The following RACK1 variants were observed in gnomAD, a reference collection of about 807,000 sequenced individuals.
RACK1 encodes the protein small ribosomal subunit protein RACK1.
In RACK1, 3 loss-of-function variants were observed where a neutral mutation model predicts 42.2. The observed-to-expected ratio is 0.07, with a 90% CI of 0.03 to 0.18. RACK1 has a LOEUF of 0.18. RACK1 is among the 10% of genes least tolerant of loss of function. The pLI, the probability that RACK1 is intolerant of heterozygous loss-of-function variation, is 1.00. For missense variants in RACK1, 146 were observed against 403.2 expected, an observed-to-expected ratio of 0.36 and a Z score of 5.46; for synonymous variants, 181 against 154.8, an observed-to-expected ratio of 1.17 and a Z score of -1.25.
intron 3 of RACK1, among the ~76,000 whole-genome samples, chr5:181,239,906 G>A (rs1211008455): frequency 6.6e-6 from 1 of 151,934 alleles, no homozygotes; most frequent in Non-Finnish European, 1.5e-5. Flanking sequence ...TTAACCAGGT[G>A]TGGCGGCGGG....
At chr5:181,237,260 T>G (rs1210922687) in intron 7 of RACK1, 3 of 884,260 alleles carry the variant, frequency 3.4e-6, no homozygotes, top group East Asian at 5.3e-5. Flanking sequence ...CAACGCCGGG[T>G]AGACTGTAAG....
At chr5:181,238,670 C>T (rs1389910380) in intron 5 of RACK1, 16 of 358,168 alleles carry the variant, frequency 4.5e-5, no homozygotes, top group African/African-American at 1.7e-4. Context: ...GGAGTGATGG[C>T]GGGTGCCTGT....
At chr5:181,237,262 G>C (rs1759173588) in intron 7 of RACK1, 2 of 870,606 alleles carry the variant, frequency 2.3e-6, no homozygotes, top group Admixed American at 4.0e-5. Context: ...ACGCCGGGTA[G>C]ACTGTAAGAA....
chr5:181,238,749 A>T, intron 5 of RACK1: 1 of 378,408 alleles, frequency 2.6e-6, no homozygotes, highest in Non-Finnish European at 5.1e-6. Flanking sequence ...CAGTGAGCCG[A>T]GATCGCGCCA....
At chr5:181,242,536 C>T (rs1011224244) in intron 1 of RACK1, 191 bp from the exon 2 acceptor site, 6 of 679,978 alleles carry the variant, frequency 8.8e-6, no homozygotes, top group African/African-American at 8.8e-5. Context: ...TAAAAACGCA[C>T]GTAGAGGTAA....
Position 181,243,777 on chromosome 5 carries a change from A to T in RACK1, c.24T>A (p.Arg8=). 1 of 1,607,388 alleles carries T rather than the reference A, an allele frequency of 6.2e-7. No homozygotes were observed. The highest frequency in any genetic ancestry group is 8.5e-7 in the Non-Finnish European group (1 of 1,177,034). The change falls in exon 1 of 8, where the codon CGT becomes CGA. Residue 8 remains arginine, a synonymous_variant. Transcript: ENST00000512805. Reference sequence around the variant, plus strand: ...AGCCGTTGTGGCCCTTGAGGGTGCCACGAAGGGTCATCTGCTCAGTCATGG... The same window carrying T: ...AGCCGTTGTGGCCCTTGAGGGTGCCTCGAAGGGTCATCTGCTCAGTCATGG... MTEQMTL[R]GTLKGHNGWV... is the part of the protein sequence containing the mutation.
In RACK1 at chr5:181,243,714, G is replaced by A; in HGVS notation, c.87C>T (p.Asp29=). ...TACCTCGAGAGGCGGAGAGGATCAT[G>A]TCCGGGAACTGCGGGGTAGTAGCGA... ...TQIATTPQFP[D]MILSASRDKT... Residue 29 remains aspartate, a synonymous_variant, in exon 1 of 8, where the codon GAC becomes GAT. Coordinates refer to ENST00000512805, the MANE Select transcript of RACK1 (RefSeq NM_006098.5). 2 of 1,608,048 alleles carry A rather than the reference G, an allele frequency of 1.2e-6. No individual in the cohort carries two copies. Among genetic ancestry groups the A allele is most frequent in the South Asian group, 2.2e-5 (2 of 89,776 alleles).
intron 6 of RACK1, 48 bp from the exon 7 acceptor site, chr5:181,237,767 TCTC>T (rs1164029860): frequency 3.9e-6 from 4 of 1,036,704 alleles, no homozygotes; most frequent in Admixed American, 3.4e-5. Context: ...ATCAAGAGAG[TCTC>T]CTCTTAAAAG....
chr5:181,237,274 C>T, intron 7 of RACK1: 2 of 801,110 alleles, frequency 2.5e-6, no homozygotes, highest in Non-Finnish European at 4.2e-6. Flanking sequence ...CTGTAAGAAA[C>T]CGCTCTCATT....
At chr5:181,241,397 TC>T (rs1759339028) in intron 3 of RACK1, 94 bp downstream of exon 3, 1 of 1,153,650 alleles carries the variant, frequency 8.7e-7, no homozygotes, top group Non-Finnish European at 1.2e-6. Flanking sequence ...GCCACTGCAC[TC>T]CAGCTTGGGC....
chr5:181,238,615 G>A, intron 5 of RACK1: 1 of 344,130 alleles, frequency 2.9e-6, no homozygotes, highest in Non-Finnish European at 5.6e-6. Flanking sequence ...GACCAGCCTG[G>A]CCAACATGGT....
At chr5:181,240,452 G>A (rs1227268533) in intron 3 of RACK1, 1 of 152,220 alleles carries the variant, frequency 6.6e-6, no homozygotes, top group Admixed American at 6.6e-5. Flanking sequence ...CCTGAGGTCA[G>A]GAGTTTGAGA....
rs139175413 is a variant in RACK1 at position 181,242,535 on chromosome 5, A to G, written c.110-190T>C. 8.3e-4 allele frequency: 567 copies of G among 680,916 alleles called. 2 individuals are homozygous for G. The African/African-American group carries it at 9.4e-3, about 11-fold the overall frequency. The allele number at this position is 680,916 out of a possible 1,614,324, so 42.2% of individuals were successfully genotyped here. A position where few individuals can be genotyped will look rare whatever the true frequency, so the allele number is the denominator to read the frequency against. ...TGGCTCTATTCCAGACTAAAAACGC[A>G]CGTAGAGGTAAACTGTACCCTGATA... is the stretch of plus-strand genomic sequence containing the variant. On this transcript the variant is annotated intron_variant, in intron 1 of 7. Transcript: ENST00000512805.
At chr5:181,241,981 T>C in intron 2 of RACK1, 193 bp downstream of exon 2, 1 of 781,336 alleles carries the variant, frequency 1.3e-6, no homozygotes, top group Non-Finnish European at 2.3e-6. Context: ...CTGGCAAAAA[T>C]GTTCAGCCAC....
At chr5:181,239,315 G>T in intron 4 of RACK1, 138 bp from the exon 5 acceptor site, 1 of 764,972 alleles carries the variant, frequency 1.3e-6, no homozygotes, top group Non-Finnish European at 2.4e-6. Flanking sequence ...CTTCACGTTA[G>T]ATTATAACAC....
At chr5:181,240,199 C>CA (rs1425324602) in intron 3 of RACK1, 1 of 161,626 alleles carries the variant, frequency 6.2e-6, no homozygotes, top group Non-Finnish European at 1.4e-5. Context: ...ACTAAAAATA[C>CA]AAAAAATTAG....
intron 7 of RACK1, 199 bp downstream of exon 7, chr5:181,237,410 C>T (rs190474972): frequency 6.9e-5 from 47 of 684,308 alleles, no homozygotes; most frequent in African/African-American, 5.6e-4. Flanking sequence ...ACAGCCACTG[C>T]GTTCCACATC....
At position 181,241,477 on chromosome 5, in the gene RACK1, G is replaced by A. The variant is rs1364284105; in HGVS notation, c.429+15C>T. 6.3e-7 allele frequency: 1 copy of A among 1,591,046 alleles called. No individual in the cohort carries two copies. The highest frequency in any genetic ancestry group is 1.4e-5 in the African/African-American group (1 of 72,598). ...TAAGAGGGTGGAAGAGATCCTTGGA[G>A]ATGGCTCACTTTACCTGGACAGTGT... On this transcript the variant is annotated intron_variant, in intron 3 of 7. Transcript: ENST00000512805.
rs11445317 is a variant in RACK1, at chr5:181,236,941, G to GTT, written c.*34_*35dup. On this transcript the variant is annotated 3_prime_UTR_variant, in exon 8 of 8. Coordinates refer to ENST00000512805, the MANE Select transcript of RACK1 (RefSeq NM_006098.5). ...AAAAACCTAAAAGTCAGAAAAGCCA[G>GTT]TTTTTTTTTTATTTGTAAAGCTCTG... is the stretch of plus-strand genomic sequence containing the variant. 5,672 of 1,364,364 alleles carry GTT rather than the reference G, an allele frequency of 4.2e-3. 42 individuals carry two copies. In the African/African-American group the frequency reaches 0.049, roughly 12 times the overall value. 84.5% of individuals were successfully genotyped at this position (1,364,364 alleles called of 1,614,324 possible). A position where few individuals can be genotyped will look rare whatever the true frequency, so the allele number is the denominator to read the frequency against.
Sources: allele counts gnomAD v4.1 joint callset (sites outside exome capture counted in the v4.1 genomes callset), GRCh38; gene constraint gnomAD v4.1.1; transcripts MANE v1.5; gene names NCBI Gene and HGNC (gene_info 2026-07-23, HGNC 2026-07-21).